Variants in ULK4 observed in about 807,000 individuals in gnomAD.
ULK4 encodes the protein unc-51 like kinase 4.
In ULK4, 133 loss-of-function variants were observed where a neutral mutation model predicts 160.6. The observed-to-expected ratio is 0.83, with a 90% CI of 0.72 to 0.96. The LOEUF is 0.96. ULK4 is among the 40% of genes least tolerant of loss of function. The probability of loss-of-function intolerance (pLI) is 0.00; values close to 1 mark genes in which losing one functional copy is unlikely to be tolerated. For synonymous variants in ULK4, 534 were observed against 539.8 expected (o/e 0.99, Z 0.15); for missense variants, 1,580 against 1,499.5 (o/e 1.05, Z -0.89).
intron 32 of ULK4, among the ~76,000 whole-genome samples, chr3:41,500,029 C>T (rs2700443): frequency 0.83 from 126,125 of 151,890 alleles, 53,892 homozygotes; most frequent in Non-Finnish European, 0.94. Flanking sequence ...ATTATTTTCT[C>T]TTTTTCATTC....
chr3:41,796,598 A>C (rs1020773465), intron 20 of ULK4, among the ~76,000 whole-genome samples: 1 of 152,018 alleles, frequency 6.6e-6, no homozygotes, highest in African/African-American at 2.4e-5. Context: ...TCTTGAGGAA[A>C]ACAAAAAGAA....
intron 21 of ULK4, among the ~76,000 whole-genome samples, chr3:41,771,717 C>T (rs1028932520): frequency 4.6e-5 from 7 of 152,092 alleles, no homozygotes; most frequent in Non-Finnish European, 1.5e-5. Flanking sequence ...ACTGAAACTT[C>T]CCCAGAGATC....
At chr3:41,921,556 A>G (rs1305404161) in intron 5 of ULK4, among the ~76,000 whole-genome samples, 2 of 152,264 alleles carry the variant, frequency 1.3e-5, no homozygotes, top group East Asian at 3.9e-4. Flanking sequence ...CGGAGTTTGC[A>G]GTGAGCCGAG....
intron 30 of ULK4, among the ~76,000 whole-genome samples, chr3:41,661,521 TA>T (rs2035164938): frequency 6.6e-6 from 1 of 150,488 alleles, no homozygotes. Context: ...GATAGATAGA[TA>T]GATAGATAAA....
At chr3:41,692,881 T>C (rs1442323162) in intron 27 of ULK4, among the ~76,000 whole-genome samples, 1 of 152,182 alleles carries the variant, frequency 6.6e-6, no homozygotes, top group Non-Finnish European at 1.5e-5. Context: ...TGAATACATA[T>C]GCACATTAGC....
chr3:41,790,367 A>G (rs2125592721), intron 20 of ULK4, among the ~76,000 whole-genome samples: 1 of 152,378 alleles, frequency 6.6e-6, no homozygotes, highest in Non-Finnish European at 1.5e-5. Context: ...TATAGCTAGT[A>G]AGTAGCAAAG....
chr3:41,795,559 TAATAA>T (rs2040279360), intron 20 of ULK4, among the ~76,000 whole-genome samples: 1 of 152,328 alleles, frequency 6.6e-6, no homozygotes, highest in African/African-American at 2.4e-5. Context: ...TATGACATTA[TAATAA>T]AATAAACATA....
At chr3:41,744,015 A>C (rs184830188) in intron 22 of ULK4, among the ~76,000 whole-genome samples, 7 of 152,092 alleles carry the variant, frequency 4.6e-5, no homozygotes, top group African/African-American at 1.2e-4. Flanking sequence ...TATTATGACT[A>C]AGAGGCTATT....
At chr3:41,935,209 A>ATTTTTTTTTTTTTTTT (rs10524611) in intron 4 of ULK4, among the ~76,000 whole-genome samples, 2 of 135,556 alleles carry the variant, frequency 1.5e-5, no homozygotes, top group African/African-American at 3.3e-5. Context: ...TTATTTATTT[A>ATTTTTTTTTTTTTTTT]TTTTTTTTTT....
chr3:41,957,968 C>T (rs1006098735), intron 1 of ULK4, among the ~76,000 whole-genome samples: 4 of 151,242 alleles, frequency 2.6e-5, no homozygotes, highest in African/African-American at 9.7e-5. Flanking sequence ...AGCTTGAACC[C>T]GGGAGGCAGA....
intron 35 of ULK4, among the ~76,000 whole-genome samples, chr3:41,383,564 T>C (rs906318265): frequency 6.6e-6 from 1 of 152,168 alleles, no homozygotes; most frequent in Non-Finnish European, 1.5e-5. Context: ...TTGGTGATGG[T>C]CAAAATGATT....
chr3:41,860,414 C>T (rs2042473022), intron 17 of ULK4, among the ~76,000 whole-genome samples: 2 of 152,078 alleles, frequency 1.3e-5, no homozygotes. Flanking sequence ...GTGTTGGGTA[C>T]ATATATATTT....
intron 29 of ULK4, among the ~76,000 whole-genome samples, chr3:41,679,668 T>C (rs2035856955): frequency 6.6e-6 from 1 of 152,218 alleles, no homozygotes. Flanking sequence ...TAACACTTTT[T>C]ATTTCACAAA....
intron 32 of ULK4, among the ~76,000 whole-genome samples, chr3:41,514,396 G>C (rs1459559631): frequency 1.3e-5 from 2 of 152,118 alleles, no homozygotes; most frequent in East Asian, 3.9e-4. Context: ...AAGGAATAGG[G>C]TCATGTTTGA....
At chr3:41,798,202 G>A (rs1343259696) in intron 20 of ULK4, among the ~76,000 whole-genome samples, 2 of 152,106 alleles carry the variant, frequency 1.3e-5, no homozygotes, top group African/African-American at 4.8e-5. Flanking sequence ...AAGAAACCAT[G>A]CTGAGTATAA....
chr3:41,925,665 C>T lies in ULK4; in HGVS notation c.542-5847G>A, dbSNP rs566544015. 3.1e-4 allele frequency among the ~76,000 whole-genome samples: 47 copies of T among 152,304 alleles called. No homozygotes were observed. The South Asian group carries it at 8.7e-3, about 28-fold the overall frequency. On this transcript the variant is annotated intron_variant, in intron 5 of 36. Transcript: ENST00000301831. ...CTAAGATCCACTGGCTTGAAATTCT[C>T]GCTGTCAGCACAGCAGTCTGAAGTT...
intron 22 of ULK4, among the ~76,000 whole-genome samples, chr3:41,731,662 A>C (rs1311772681): frequency 6.8e-6 from 1 of 148,066 alleles, no homozygotes; most frequent in Admixed American, 6.6e-5. Flanking sequence ...CAAAGAGCCA[A>C]ATCAATTTTG....
At chr3:41,920,062 T>C (rs1213489738) in intron 5 of ULK4, among the ~76,000 whole-genome samples, 2 of 152,224 alleles carry the variant, frequency 1.3e-5, no homozygotes, top group Non-Finnish European at 2.9e-5. Context: ...TTCAGCTACA[T>C]TCTTCTTTTA....
At chr3:41,351,104 G>A (rs976687550) in intron 35 of ULK4, among the ~76,000 whole-genome samples, 1 of 152,156 alleles carries the variant, frequency 6.6e-6, no homozygotes, top group Non-Finnish European at 1.5e-5. Flanking sequence ...CACGTAGGAC[G>A]GAAGATAAGT....
Sources: gnomAD v4.1 joint callset for allele counts (sites outside exome capture counted in the v4.1 genomes callset) on GRCh38, gnomAD v4.1.1 for gene constraint, MANE v1.5 for transcripts, NCBI Gene and HGNC (gene_info 2026-07-23, HGNC 2026-07-21) for gene names.